Variants in RSF1 observed in about 807,000 individuals in gnomAD.
RSF1 encodes remodeling and spacing factor 1.
Under a neutral mutation model 145.2 loss-of-function variants are expected in RSF1, and 13 were observed. The ratio of observed to expected loss-of-function variants is 0.09; its 90% CI spans 0.06 to 0.14. The LOEUF (loss-of-function observed/expected upper bound fraction) is 0.14. Ranked by LOEUF, RSF1 falls within the 10% of genes least tolerant of loss-of-function variation. The pLI, the probability that RSF1 is intolerant of heterozygous loss-of-function variation, is 1.00. For synonymous variants in RSF1, 577 were observed against 592.6 expected (o/e 0.97, Z 0.38); for missense variants, 1,517 against 1,718.2 (o/e 0.88, Z 2.07).
chr11:77,773,085 G>A (rs1215554968), intron 1 of RSF1, among the ~76,000 whole-genome samples: 1 of 152,082 alleles, frequency 6.6e-6, no homozygotes, highest in Non-Finnish European at 1.5e-5. Context: ...CTGTCAAATA[G>A]TTACTGTGGA....
the RSF1 span, among the ~76,000 whole-genome samples, chr11:77,845,705 T>C: frequency 6.6e-6 from 1 of 152,162 alleles, no homozygotes; most frequent in Non-Finnish European, 1.5e-5. Flanking sequence ...GCTGGGTTTA[T>C]AGGTGAGCCA....
chr11:77,721,036 TCTTA>T (rs568008221), intron 5 of RSF1, among the ~76,000 whole-genome samples: 232 of 152,334 alleles, frequency 1.5e-3, no homozygotes, highest in Non-Finnish European at 2.3e-3. Flanking sequence ...TAAAAACTTA[TCTTA>T]CTGAGTTAAG....
At chr11:77,687,543 T>A (rs1960042676) in intron 9 of RSF1, among the ~76,000 whole-genome samples, 1 of 151,748 alleles carries the variant, frequency 6.6e-6, no homozygotes, top group African/African-American at 2.4e-5. Flanking sequence ...CCATCTGTAG[T>A]AAAAAATACA....
At chr11:77,763,554 G>A (rs548718029) in intron 2 of RSF1, 2 of 152,000 alleles carry the variant, frequency 1.3e-5, no homozygotes, top group South Asian at 4.1e-4. Flanking sequence ...AGTAAAATGA[G>A]GATAATCAGT....
At chr11:77,867,001 C>T in the RSF1 span, among the ~76,000 whole-genome samples, 4 of 152,096 alleles carry the variant, frequency 2.6e-5, no homozygotes, top group Middle Eastern at 3.4e-3. Context: ...TCACCACACC[C>T]GGCTAATTTT....
chr11:77,697,386 T>A (rs1353872520), intron 7 of RSF1, among the ~76,000 whole-genome samples: 1 of 149,512 alleles, frequency 6.7e-6, no homozygotes, highest in Non-Finnish European at 1.5e-5. Context: ...GTGCATAGAA[T>A]TAGGTATAAC....
At chr11:77,828,887 A>T in the RSF1 span, among the ~76,000 whole-genome samples, 1 of 152,288 alleles carries the variant, frequency 6.6e-6, no homozygotes, top group East Asian at 1.9e-4. Flanking sequence ...TAATACTAAT[A>T]TGGAAATTCA....
intron 3 of RSF1, among the ~76,000 whole-genome samples, chr11:77,745,893 T>C (rs2135916907): frequency 6.6e-6 from 1 of 152,090 alleles, no homozygotes; most frequent in East Asian, 1.9e-4. Flanking sequence ...CAAGCATCCT[T>C]ACTACTAAAA....
chr11:77,762,459 G>A (rs891866249), intron 2 of RSF1: 1 of 152,130 alleles, frequency 6.6e-6, no homozygotes, highest in Non-Finnish European at 1.5e-5. Flanking sequence ...TTATTGCTCA[G>A]TTGGATTATC....
chr11:77,740,875 T>G lies in RSF1; in HGVS notation c.434A>C (p.Asp145Ala), dbSNP rs760519731. The change falls in exon 4 of 16, where the codon GAT becomes GCT. Residue 145 changes from aspartate (D) to alanine (A), a missense_variant. This residue lies in a region of RSF1 where 94 missense variants were observed against 143.6 expected (regional missense o/e 0.65). Transcript: ENST00000308488. ...TGGCTGGAGACGCATAGTATCGGCATCCTCCTCATTAATAATATTCTTGAA... is the reference window on the plus strand; with the variant it reads ...TGGCTGGAGACGCATAGTATCGGCAGCCTCCTCATTAATAATATTCTTGAA... The part of the protein sequence containing the change: ...LKFKNIINEE[D>A]ADTMRLQPIG... The G allele has an allele frequency of 6.2e-7, 1 of 1,614,134 alleles. No individual in the cohort carries two copies. The highest frequency in any genetic ancestry group is 1.1e-5 in the South Asian group (1 of 91,076).
chr11:77,697,473 TA>T (rs1960306061), intron 7 of RSF1, among the ~76,000 whole-genome samples: 1 of 21,242 alleles, frequency 4.7e-5, no homozygotes, highest in African/African-American at 4.2e-4. Context: ...AAAATATATT[TA>T]TATATAATAT....
chr11:77,692,835 G>A (rs570793397), intron 8 of RSF1, among the ~76,000 whole-genome samples: 5 of 151,842 alleles, frequency 3.3e-5, no homozygotes, highest in South Asian at 2.1e-4. Flanking sequence ...GTGCCACCAC[G>A]CCCAGATAAT....
the RSF1 span, among the ~76,000 whole-genome samples, chr11:77,835,692 G>T: frequency 6.6e-6 from 1 of 151,982 alleles, no homozygotes. Flanking sequence ...ACTGAGGTGG[G>T]CGGATCGCTT....
At chr11:77,817,276 T>A (rs1948790688) in intron 1 of RSF1, among the ~76,000 whole-genome samples, 1 of 152,230 alleles carries the variant, frequency 6.6e-6, no homozygotes, top group African/African-American at 2.4e-5. Flanking sequence ...TAATTACTTG[T>A]GAAATGTGTA....
At chr11:77,859,392 A>G in the RSF1 span, among the ~76,000 whole-genome samples, 3,092 of 152,290 alleles carry the variant, frequency 0.02, 94 homozygotes, top group African/African-American at 0.07. Flanking sequence ...TACAGCCAAT[A>G]ATAATTTCCT....
At chr11:77,842,611 A>G in the RSF1 span, 15 of 1,613,924 alleles carry the variant, frequency 9.3e-6, no homozygotes, top group Non-Finnish European at 1.3e-5. Flanking sequence ...TTGGGATTGG[A>G]GAGAAACAGG....
At chr11:77,842,523 A>T in the RSF1 span, 7 of 1,613,894 alleles carry the variant, frequency 4.3e-6, no homozygotes, top group African/African-American at 5.3e-5. Flanking sequence ...TTGCTTCCTT[A>T]TCATGGGGGC....
At chr11:77,700,349 C>CAA (rs71046906) in intron 6 of RSF1, among the ~76,000 whole-genome samples, 4,953 of 47,242 alleles carry the variant, frequency 0.1, 1,230 homozygotes, top group Non-Finnish European at 0.12. Flanking sequence ...GACTGTCTCA[C>CAA]AAAAAAAAAA....
chr11:77,691,942 G>A (rs1417745205), intron 8 of RSF1, among the ~76,000 whole-genome samples: 2 of 152,096 alleles, frequency 1.3e-5, no homozygotes, highest in African/African-American at 2.4e-5. Context: ...CCAGGCTGGC[G>A]TGCAGTGGCA....
Sources: allele counts gnomAD v4.1 joint callset (sites outside exome capture counted in the v4.1 genomes callset), GRCh38; gene constraint gnomAD v4.1.1; regional missense constraint gnomAD v4.1.1; transcripts MANE v1.5; gene names NCBI Gene and HGNC (gene_info 2026-07-23, HGNC 2026-07-21).